The following ZCCHC14 variants were observed in gnomAD, a reference collection of about 807,000 sequenced individuals.
ZCCHC14 encodes zinc finger CCHC domain-containing protein 14.
In ZCCHC14, 16 loss-of-function variants were observed where a neutral mutation model predicts 85.0. That is an observed-to-expected ratio of 0.19 (90% CI 0.13 to 0.29). The LOEUF (loss-of-function observed/expected upper bound fraction) is 0.29, where lower values mean the gene tolerates loss of function less well. Ranked by LOEUF, ZCCHC14 falls within the 10% of genes least tolerant of loss-of-function variation. The pLI, the probability that ZCCHC14 is intolerant of heterozygous loss-of-function variation, is 1.00. For missense variants in ZCCHC14, 1,303 were observed against 1,443.5 expected (o/e 0.90, Z 1.58); for synonymous variants, 775 against 630.7 (o/e 1.23, Z -3.43).
intron 3 of ZCCHC14, among the ~76,000 whole-genome samples, chr16:87,432,432 C>T (rs767496558): frequency 1.3e-5 from 2 of 152,192 alleles, no homozygotes; most frequent in Non-Finnish European, 2.9e-5. Flanking sequence ...CCTCCTGCTG[C>T]CCAGGATGAA....
At chr16:87,489,450 A>T (rs549040180) in intron 1 of ZCCHC14, among the ~76,000 whole-genome samples, 2,510 of 152,378 alleles carry the variant, frequency 0.016, 25 homozygotes, top group Middle Eastern at 0.048. Context: ...TAAGTTAGCA[A>T]ACCTCTATAA....
At chr16:87,444,568 G>T (rs767975462) in intron 2 of ZCCHC14, among the ~76,000 whole-genome samples, 18 of 152,186 alleles carry the variant, frequency 1.2e-4, no homozygotes, top group Non-Finnish European at 2.6e-4. Context: ...CATCAGTAAC[G>T]GAACAAATTG....
intron 2 of ZCCHC14, among the ~76,000 whole-genome samples, chr16:87,433,554 A>C (rs888046896): frequency 6.6e-6 from 1 of 152,242 alleles, no homozygotes; most frequent in Non-Finnish European, 1.5e-5. Flanking sequence ...AACCGTTACG[A>C]ATCTGTCCCA....
At chr16:87,460,553 G>T (rs1169903129) in intron 1 of ZCCHC14, among the ~76,000 whole-genome samples, 2 of 152,170 alleles carry the variant, frequency 1.3e-5, no homozygotes, top group Non-Finnish European at 2.9e-5. Context: ...AGCCAGGCGT[G>T]ATGGCAAGTG....
chr16:87,475,717 G>T (rs1183104737), intron 1 of ZCCHC14, among the ~76,000 whole-genome samples: 1 of 151,998 alleles, frequency 6.6e-6, no homozygotes, highest in Admixed American at 6.6e-5. Context: ...AGAACAGAGA[G>T]AGAAAAAGAT....
intron 1 of ZCCHC14, chr16:87,467,213 A>C: frequency 6.5e-7 from 1 of 1,532,318 alleles, no homozygotes; most frequent in Non-Finnish European, 9.0e-7. Context: ...TTTAAAAGGA[A>C]ACTCGAATGA....
chr16:87,430,080 G>A (rs950193053), intron 3 of ZCCHC14, among the ~76,000 whole-genome samples: 5 of 152,034 alleles, frequency 3.3e-5, no homozygotes, highest in Admixed American at 2.0e-4. Flanking sequence ...CTAATTCATC[G>A]ATGTTGTCTT....
chr16:87,409,136 C>G lies in ZCCHC14; in HGVS notation c.*1144G>C, dbSNP rs529529475. The G allele has an allele frequency of 2.0e-5, 3 of 152,480 alleles. No homozygotes were observed. Among genetic ancestry groups the G allele is most frequent in the Non-Finnish European group, 2.9e-5 (2 of 68,034 alleles). 9.4% of individuals were successfully genotyped at this position (152,480 alleles called of 1,614,324 possible). On this transcript the variant is annotated 3_prime_UTR_variant, in exon 13 of 13. Coordinates refer to ENST00000671377, the MANE Select transcript of ZCCHC14 (RefSeq NM_015144.3). ...TCTTCCAGAGTCCTACCACTTCCCA[C>G]TGTTTTCCAAGTAATTTTTAACGGA...
chr16:87,448,319 G>A (rs1026977254), intron 2 of ZCCHC14, among the ~76,000 whole-genome samples: 8 of 152,138 alleles, frequency 5.3e-5, no homozygotes, highest in African/African-American at 1.9e-4. Flanking sequence ...TTCTTCACAG[G>A]TGAAATCTGT....
Position 87,420,825 on chromosome 16 carries a change from G to T in ZCCHC14, c.841-109C>A, listed in dbSNP as rs1425548706. On this transcript the variant is annotated intron_variant, in intron 4 of 12. Coordinates refer to ENST00000671377, the MANE Select transcript of ZCCHC14 (RefSeq NM_015144.3). The surrounding 1 kb of genome is among the most constrained non-coding windows in gnomAD (Gnocchi z 5.0). ...CAGGTGCTCCATGGTGCCGCCTGCT[G>T]GTCTGATATGATTTACACCTCCCGT... 1.2e-6 allele frequency: 1 copy of T among 833,408 alleles called. No individual in the cohort carries two copies. The highest frequency in any genetic ancestry group is 1.9e-6 in the Non-Finnish European group (1 of 534,714). The allele number at this position is 833,408 out of a possible 1,614,324, so 51.6% of individuals were successfully genotyped here.
At chr16:87,475,788 G>C (rs996037174) in intron 1 of ZCCHC14, among the ~76,000 whole-genome samples, 1 of 152,126 alleles carries the variant, frequency 6.6e-6, no homozygotes, top group Non-Finnish European at 1.5e-5. Context: ...AACATACCTA[G>C]AGCTGGAGTC....
chr16:87,432,385 T>C (rs972593013), intron 3 of ZCCHC14, among the ~76,000 whole-genome samples: 2 of 152,174 alleles, frequency 1.3e-5, no homozygotes, highest in Non-Finnish European at 2.9e-5. Context: ...CTTTCAGGAA[T>C]GTTCCTTAAG....
chr16:87,424,418 G>C (rs1008451170), intron 3 of ZCCHC14, among the ~76,000 whole-genome samples: 1 of 150,338 alleles, frequency 6.7e-6, no homozygotes, highest in Non-Finnish European at 1.5e-5. Context: ...GTGATCACTA[G>C]GGCAGCAGTG....
At chr16:87,414,247 C>G (rs1302349365) in intron 10 of ZCCHC14, among the ~76,000 whole-genome samples, 167 bp downstream of exon 10, 1 of 151,832 alleles carries the variant, frequency 6.6e-6, no homozygotes, top group African/African-American at 2.4e-5. Context: ...CACCGGCCCT[C>G]TCTGTGTACG....
chr16:87,464,932 G>A (rs1043352306), intron 1 of ZCCHC14, among the ~76,000 whole-genome samples: 3 of 152,180 alleles, frequency 2.0e-5, no homozygotes, highest in African/African-American at 7.2e-5. Flanking sequence ...GGCTCCAAAG[G>A]CTGCCTTCTG....
intron 7 of ZCCHC14, 33 bp from the exon 8 acceptor site, chr16:87,417,775 A>T: frequency 6.5e-7 from 1 of 1,531,590 alleles, no homozygotes. Context: ...ACACAGAGAG[A>T]CTGTGGCTTC....
intron 3 of ZCCHC14, among the ~76,000 whole-genome samples, chr16:87,425,283 G>T (rs566337713): frequency 6.6e-6 from 1 of 152,272 alleles, no homozygotes; most frequent in East Asian, 1.9e-4. Context: ...CACCTAAAAT[G>T]AAAATGCTTG....
intron 2 of ZCCHC14, among the ~76,000 whole-genome samples, chr16:87,453,775 T>C (rs917032378): frequency 7.9e-5 from 12 of 152,286 alleles, no homozygotes; most frequent in Middle Eastern, 3.4e-3. Flanking sequence ...AATTAGACAT[T>C]CATAAAAATA....
At position 87,492,329 on chromosome 16, in the gene ZCCHC14, A is replaced by ACCGGGGACGCGCGGGCCGGGG. The variant is rs1912805403; in HGVS notation, c.-112_-92dup. On this transcript the variant is annotated 5_prime_UTR_variant, in exon 1 of 13. Coordinates refer to ENST00000671377, the MANE Select transcript of ZCCHC14 (RefSeq NM_015144.3). This position sits in a 1 kb window ranked among gnomAD's most constrained non-coding sequence, Gnocchi z 6.7. ...GGGGCCGCGGCCGGGGCGCGCCGGG[A>ACCGGGGACGCGCGGGCCGGGG]CCGGGGACGCGCGGGCCGGGGCCGG... 4.2e-6 allele frequency: 2 copies of ACCGGGGACGCGCGGGCCGGGG among 480,152 alleles called. No homozygotes were observed. Among genetic ancestry groups the ACCGGGGACGCGCGGGCCGGGG allele is most frequent in the African/African-American group, 4.5e-5 (2 of 44,362 alleles). The allele number at this position is 480,152 out of a possible 1,614,324, so 29.7% of individuals were successfully genotyped here.
Sources: gnomAD v4.1 joint callset for allele counts (sites outside exome capture counted in the v4.1 genomes callset) on GRCh38, gnomAD v4.1.1 for gene constraint, Gnocchi (gnomAD v3.1) non-coding constraint, MANE v1.5 for transcripts, NCBI Gene and HGNC (gene_info 2026-07-23, HGNC 2026-07-21) for gene names.